Variants in RAF1 observed in about 807,000 individuals in gnomAD.
RAF1 encodes RAF proto-oncogene serine/threonine-protein kinase.
RAF1 carries 27 observed loss-of-function variants against 81.1 expected under a neutral mutation model. The observed-to-expected ratio is 0.33, with a 90% CI of 0.25 to 0.46. The LOEUF is 0.46. Ranked by LOEUF, RAF1 falls within the 20% of genes least tolerant of loss-of-function variation. RAF1 has a pLI of 1.00. For missense variants in RAF1, 598 were observed against 826.0 expected, an observed-to-expected ratio of 0.72 and a Z score of 3.38; for synonymous variants, 298 against 294.0, an observed-to-expected ratio of 1.01 and a Z score of -0.14.
chr3:12,657,715 G>A (rs1188491092), intron 1 of RAF1, among the ~76,000 whole-genome samples: 2 of 151,830 alleles, frequency 1.3e-5, no homozygotes, highest in African/African-American at 4.8e-5. Flanking sequence ...GTTGCGGTGA[G>A]CTGAGATTGT....
chr3:12,609,806 A>G (rs1559435093), intron 3 of RAF1, among the ~76,000 whole-genome samples: 1 of 152,140 alleles, frequency 6.6e-6, no homozygotes, highest in South Asian at 2.1e-4. Flanking sequence ...TTAAACAATG[A>G]TATATAAAAT....
chr3:12,628,161 A>G (rs2059759974), intron 1 of RAF1, among the ~76,000 whole-genome samples: 1 of 152,246 alleles, frequency 6.6e-6, no homozygotes, highest in African/African-American at 2.4e-5. Flanking sequence ...TTCAAGTTAT[A>G]AAATGGGCTT....
At position 12,618,506 on chromosome 3, in the gene RAF1, T is replaced by A; in HGVS notation, c.207+9A>T. 6.2e-7 allele frequency: 1 copy of A among 1,614,064 alleles called. No individual in the cohort carries two copies. Among genetic ancestry groups the A allele is most frequent in the Non-Finnish European group, 8.5e-7 (1 of 1,179,920 alleles). ...ATAGCTAAATTTCCTAAGTAGAATG[T>A]TCACATACCACTGTTCTTTGCTTGT... is the stretch of plus-strand genomic sequence containing the variant. On this transcript the variant is annotated intron_variant, in intron 2 of 17. Transcript: ENST00000442415.
intron 1 of RAF1, among the ~76,000 whole-genome samples, chr3:12,631,872 C>T (rs983779177): frequency 2.0e-5 from 3 of 152,174 alleles, no homozygotes; most frequent in African/African-American, 7.2e-5. Context: ...AGAGGTACAT[C>T]TGTTCAAAAT....
intron 5 of RAF1, 81 bp from the exon 6 acceptor site, chr3:12,606,380 C>T: frequency 1.0e-6 from 1 of 971,288 alleles, no homozygotes; most frequent in Admixed American, 2.0e-5. Context: ...CTTTTGCAAA[C>T]TCAGAGCTAC....
At position 12,635,659 on chromosome 3, in the gene RAF1, A is replaced by AAAAG. The variant is rs2060002079; in HGVS notation, c.-26-16913_-26-16912insCTTT. Among the ~76,000 whole-genome samples, 3 of 123,698 alleles carry AAAAG rather than the reference A, an allele frequency of 2.4e-5. No homozygotes were observed. In the South Asian group the frequency reaches 7.5e-4, roughly 31 times the overall value. 81.2% of individuals were successfully genotyped at this position (123,698 alleles called of 152,430 possible). On this transcript the variant is annotated intron_variant, in intron 1 of 17. Coordinates refer to ENST00000442415, the MANE Select transcript of RAF1 (RefSeq NM_001354689.3). ...CTCCAAAAAAAAAAAAAAAAAAAAA[A>AAAAG]AGAGAGAGAGAGATTACTTTATAAA...
rs564555477 is a variant in RAF1, at chr3:12,586,036, C to A, written c.1478-237G>T. The A allele has an allele frequency of 6.0e-6, 3 of 498,374 alleles. No homozygotes were observed. The South Asian group carries it at 6.2e-5, about 10-fold the overall frequency. 30.9% of individuals were successfully genotyped at this position (498,374 alleles called of 1,614,324 possible). A position where few individuals can be genotyped will look rare whatever the true frequency, so the allele number is the denominator to read the frequency against. On this transcript the variant is annotated intron_variant, in intron 14 of 17. Coordinates refer to ENST00000442415, the MANE Select transcript of RAF1 (RefSeq NM_001354689.3). ...TTATTTGGCCCTAGCCAAAAGCAAGCCAGCGTTTCTTCCCTGCTTCTTCTC... is the reference window on the plus strand; with the variant it reads ...TTATTTGGCCCTAGCCAAAAGCAAGACAGCGTTTCTTCCCTGCTTCTTCTC...
chr3:12,596,330 A>G (rs1234022279), intron 11 of RAF1, among the ~76,000 whole-genome samples: 6 of 151,184 alleles, frequency 4.0e-5, no homozygotes, highest in Admixed American at 2.0e-4. Context: ...AGTAGCTGGG[A>G]TTACAGGCGC....
intron 4 of RAF1, 25 bp downstream of exon 4, chr3:12,609,208 G>C: frequency 1.9e-6 from 3 of 1,546,312 alleles, no homozygotes; most frequent in Non-Finnish European, 2.7e-6. Context: ...CAACATGCCA[G>C]AAAGAGAAGA....
chr3:12,650,896 T>G lies in RAF1; in HGVS notation c.-27+12917A>C, dbSNP rs539785507. ...CTTCTAGCTTGAGTGGAAGAAGAGGTAGACAAGGATATTTCATTGTGTATT... is the reference window on the plus strand; with the variant it reads ...CTTCTAGCTTGAGTGGAAGAAGAGGGAGACAAGGATATTTCATTGTGTATT... On this transcript the variant is annotated intron_variant, in intron 1 of 17. Transcript: ENST00000442415. 2.0e-5 allele frequency among the ~76,000 whole-genome samples: 3 copies of G among 152,186 alleles called. No homozygotes were observed. In the East Asian group the frequency reaches 5.8e-4, roughly 29 times the overall value.
intron 1 of RAF1, among the ~76,000 whole-genome samples, chr3:12,620,208 C>T (rs970763752): frequency 1.3e-5 from 2 of 152,184 alleles, no homozygotes; most frequent in Non-Finnish European, 2.9e-5. Flanking sequence ...GTGGCGCGAT[C>T]TTGGCTCACT....
intron 11 of RAF1, among the ~76,000 whole-genome samples, chr3:12,594,639 C>T (rs2058628924): frequency 6.6e-6 from 1 of 152,236 alleles, no homozygotes; most frequent in Non-Finnish European, 1.5e-5. Flanking sequence ...TAAGCCACAT[C>T]TTCCCCCTCC....
chr3:12,606,829 G>A (rs1336473940), intron 5 of RAF1, among the ~76,000 whole-genome samples: 1 of 152,088 alleles, frequency 6.6e-6, no homozygotes, highest in South Asian at 2.1e-4. Flanking sequence ...AACATTAGGT[G>A]TCTCTCCTAA....
chr3:12,622,885 G>A (rs1267634766), intron 1 of RAF1, among the ~76,000 whole-genome samples: 2 of 152,050 alleles, frequency 1.3e-5, no homozygotes, highest in South Asian at 2.1e-4. Flanking sequence ...TTTGTCAGCC[G>A]GGCGCAGTTG....
chr3:12,587,483 TAA>T, intron 14 of RAF1, 106 bp downstream of exon 13: 1 of 1,092,186 alleles, frequency 9.2e-7, no homozygotes, highest in Non-Finnish European at 1.4e-6. Context: ...CCTCTTTCCT[TAA>T]AAAGATATCC....
intron 1 of RAF1, among the ~76,000 whole-genome samples, chr3:12,634,257 C>T (rs978377053): frequency 6.6e-6 from 1 of 151,370 alleles, no homozygotes; most frequent in African/African-American, 2.4e-5. Flanking sequence ...AGCGATTCTC[C>T]TGCCTCAGCC....
At chr3:12,619,955 G>A (rs987809077) in intron 1 of RAF1, among the ~76,000 whole-genome samples, 8 of 151,934 alleles carry the variant, frequency 5.3e-5, no homozygotes, top group African/African-American at 1.7e-4. Flanking sequence ...GGTGGCGGGC[G>A]CCTGTAGTCC....
chr3:12,599,098 TAAGTTA>T (rs1320320970), intron 11 of RAF1: 3 of 153,924 alleles, frequency 1.9e-5, no homozygotes, highest in African/African-American at 7.2e-5. Context: ...TGTAACTACA[TAAGTTA>T]AATAGTACCT....
At position 12,644,927 on chromosome 3, in the gene RAF1, G is replaced by A. The variant is rs191232875; in HGVS notation, c.-27+18886C>T. Among the ~76,000 whole-genome samples, 1,021 of 151,688 alleles carry A rather than the reference G, an allele frequency of 6.7e-3. 13 individuals are homozygous for A. The highest frequency in any genetic ancestry group is 7.6e-3 in the Non-Finnish European group (514 of 67,900). On this transcript the variant is annotated intron_variant, in intron 1 of 17. Coordinates refer to ENST00000442415, the MANE Select transcript of RAF1 (RefSeq NM_001354689.3). ...ATCCTGGCCAACATGATGAAACCTCGTCTCTACTAAAGATACAAAATATTA... is the reference window on the plus strand; with the variant it reads ...ATCCTGGCCAACATGATGAAACCTCATCTCTACTAAAGATACAAAATATTA...
Sources: gnomAD v4.1 joint callset for allele counts (sites outside exome capture counted in the v4.1 genomes callset) on GRCh38, gnomAD v4.1.1 for gene constraint, MANE v1.5 for transcripts, NCBI Gene and HGNC (gene_info 2026-07-23, HGNC 2026-07-21) for gene names.